Variants in SEC13 observed in about 807,000 individuals in gnomAD.
The protein encoded by SEC13 is protein SEC13 homolog.
A neutral mutation model predicts 49.2 loss-of-function variants in SEC13; 25 were observed. The ratio of observed to expected loss-of-function variants is 0.51; its 90% CI spans 0.37 to 0.71. SEC13 has a LOEUF of 0.71. Ranked by LOEUF, SEC13 falls within the 30% of genes least tolerant of loss-of-function variation. The probability of loss-of-function intolerance (pLI) is 0.00; values close to 1 mark genes in which losing one functional copy is unlikely to be tolerated. For missense variants in SEC13, 383 were observed against 417.6 expected (o/e 0.92, Z 0.72); for synonymous variants, 148 against 163.9 (o/e 0.90, Z 0.74).
At chr3:10,304,905 T>C in intron 7 of SEC13, 128 bp downstream of exon 7, 1 of 1,393,086 alleles carries the variant, frequency 7.2e-7, no homozygotes, top group African/African-American at 1.4e-5. Context: ...TGACTCCCTG[T>C]GCTCTGGGCC....
chr3:10,309,289 T>G (rs1033649825), intron 5 of SEC13, among the ~76,000 whole-genome samples: 1 of 152,150 alleles, frequency 6.6e-6, no homozygotes, highest in Non-Finnish European at 1.5e-5. Flanking sequence ...CAAATCTTTG[T>G]TTTTTAATTT....
At chr3:10,318,670 TG>T (rs1468739295) in intron 1 of SEC13, among the ~76,000 whole-genome samples, 1 of 152,076 alleles carries the variant, frequency 6.6e-6, no homozygotes, top group Non-Finnish European at 1.5e-5. Context: ...TTGATTCGAG[TG>T]TTTCCTGAGG....
chr3:10,301,915 C>T (rs1026274842), intron 8 of SEC13, among the ~76,000 whole-genome samples: 1 of 151,482 alleles, frequency 6.6e-6, no homozygotes, highest in African/African-American at 2.4e-5. Flanking sequence ...AAAGGTTTGC[C>T]CCTGGAGAGA....
In SEC13 at chr3:10,305,079, G is replaced by T. The variant is rs999037741; in HGVS notation, c.662C>A (p.Ala221Asp). The change falls in exon 7 of 9, where the codon GCC becomes GAC. Residue 221 changes from alanine (A) to aspartate (D), a missense_variant. Transcript: ENST00000350697. ...HSDWVRDVAWAPSIGLPTSTI... is the reference protein window; with the variant it reads ...HSDWVRDVAWDPSIGLPTSTI... Reference sequence around the variant, plus strand: ...GCTGGTGGGCAGGCCGATGGAGGGGGCCCAGGCCACATCTCGAACCCAGTC... The same window carrying T: ...GCTGGTGGGCAGGCCGATGGAGGGGTCCCAGGCCACATCTCGAACCCAGTC... 13 of 1,614,098 alleles carry T rather than the reference G, an allele frequency of 8.1e-6. No homozygotes were observed. Among genetic ancestry groups the T allele is most frequent in the African/African-American group, 1.3e-5 (1 of 75,048 alleles).
At chr3:10,302,216 C>G (rs1386696731) in intron 8 of SEC13, among the ~76,000 whole-genome samples, 1 of 152,074 alleles carries the variant, frequency 6.6e-6, no homozygotes, top group African/African-American at 2.4e-5. Flanking sequence ...CCAGCCTGGA[C>G]GACAGAGCGA....
At chr3:10,313,715 ATT>A (rs926654361) in intron 3 of SEC13, 27 of 195,490 alleles carry the variant, frequency 1.4e-4, no homozygotes, top group African/African-American at 5.9e-4. Flanking sequence ...TGGGGTGGGA[ATT>A]TTTTTTATCC....
In SEC13 at chr3:10,312,437, A is replaced by G. The variant is rs892446925; in HGVS notation, c.316+142T>C. ...GTCTTAGGGCCTTACTCAGCTGAGG[A>G]CAGAGTAGCAGAAAAGCCAACCAAA... On this transcript the variant is annotated intron_variant, in intron 4 of 8. Transcript: ENST00000350697. 1.1e-5 allele frequency: 11 copies of G among 1,021,472 alleles called. No individual in the cohort carries two copies. In the African/African-American group the frequency reaches 1.8e-4, roughly 16 times the overall value. 63.3% of individuals were successfully genotyped at this position (1,021,472 alleles called of 1,614,324 possible).
chr3:10,302,417 T>C, intron 8 of SEC13, among the ~76,000 whole-genome samples: 1 of 152,170 alleles, frequency 6.6e-6, no homozygotes, highest in Non-Finnish European at 1.5e-5. Context: ...AAGGGTGCTA[T>C]GGAGACAGCG....
chr3:10,312,567 A>G lies in SEC13; in HGVS notation c.316+12T>C. 6.2e-7 allele frequency: 1 copy of G among 1,613,962 alleles called. No homozygotes were observed. Among genetic ancestry groups the G allele is most frequent in the Non-Finnish European group, 8.5e-7 (1 of 1,179,878 alleles). ...GGTCCCCTTGCCCGCTCTGCTGCCA[A>G]GCTCAGCATACCTGAGGAGTCGTGT... On this transcript the variant is annotated intron_variant, in intron 4 of 8. Transcript: ENST00000350697.
chr3:10,319,419 A>T, intron 1 of SEC13: 1 of 704,122 alleles, frequency 1.4e-6, no homozygotes, highest in African/African-American at 1.9e-5. Flanking sequence ...CCAAGGGCAC[A>T]GTCAATCAGA....
intron 8 of SEC13, 121 bp from the exon 9 acceptor site, chr3:10,301,495 TGTC>T (rs1189161543): frequency 1.3e-5 from 17 of 1,271,388 alleles, no homozygotes; most frequent in Non-Finnish European, 1.8e-5. Flanking sequence ...GAACAGAGCA[TGTC>T]CCTCCTCCAC....
At chr3:10,306,864 G>A (rs991853969) in intron 5 of SEC13, among the ~76,000 whole-genome samples, 1 of 152,130 alleles carries the variant, frequency 6.6e-6, no homozygotes, top group African/African-American at 2.4e-5. Context: ...CCCCAGCTAC[G>A]TGGAACTGTG....
At chr3:10,305,399 G>T in intron 6 of SEC13, 160 bp downstream of exon 6, 3 of 1,089,474 alleles carry the variant, frequency 2.8e-6, no homozygotes, top group Non-Finnish European at 4.0e-6. Context: ...GTGTTGTGTT[G>T]TTTTTCAAGG....
At chr3:10,320,837 G>A in intron 1 of SEC13, 1 of 1,316,996 alleles carries the variant, frequency 7.6e-7, no homozygotes, top group Non-Finnish European at 9.7e-7. Context: ...GGAGCGGCGC[G>A]CCCCGCAAAG....
chr3:10,302,035 A>G (rs143137089), intron 8 of SEC13, among the ~76,000 whole-genome samples: 4,328 of 152,182 alleles, frequency 0.028, 203 homozygotes, highest in African/African-American at 0.095. Flanking sequence ...TGAGGCCAGG[A>G]GTTCGCGACC....
chr3:10,301,683 C>CCCAGA (rs1236109107), intron 8 of SEC13, among the ~76,000 whole-genome samples: 3 of 152,250 alleles, frequency 2.0e-5, no homozygotes, highest in African/African-American at 4.8e-5. Context: ...AAGTGTGGTC[C>CCCAGA]CCAGACCAGA....
chr3:10,313,445 T>C, intron 3 of SEC13: 1 of 530,726 alleles, frequency 1.9e-6, no homozygotes, highest in Non-Finnish European at 3.9e-6. Flanking sequence ...TACCTGAAAA[T>C]GGAGACATCA....
At chr3:10,315,289 T>A in intron 3 of SEC13, 32 bp downstream of exon 3, 1 of 1,505,092 alleles carries the variant, frequency 6.6e-7, no homozygotes, top group South Asian at 1.1e-5. Flanking sequence ...ACACCATTCC[T>A]GGAGCCCTTC....
At chr3:10,311,861 C>T in intron 5 of SEC13, 104 bp downstream of exon 5, 1 of 1,606,146 alleles carries the variant, frequency 6.2e-7, no homozygotes, top group Non-Finnish European at 8.5e-7. Flanking sequence ...CTCCCCGGCC[C>T]ACTGTCCAGC....
Sources: gnomAD v4.1 joint callset for allele counts (sites outside exome capture counted in the v4.1 genomes callset) on GRCh38, gnomAD v4.1.1 for gene constraint, MANE v1.5 for transcripts, NCBI Gene and HGNC (gene_info 2026-07-23, HGNC 2026-07-21) for gene names.